The following SKIC3 variants were observed in gnomAD, a reference collection of about 807,000 sequenced individuals.
The protein encoded by SKIC3 is superkiller complex protein 3.
the SKIC3 span, among the ~76,000 whole-genome samples, chr5:95,511,292 G>A: frequency 1.2e-4 from 18 of 152,258 alleles, no homozygotes; most frequent in Middle Eastern, 6.8e-3. Context: ...CACCTGTAAC[G>A]CCTACCTGCT....
chr5:95,489,561 AT>A, the SKIC3 span, among the ~76,000 whole-genome samples: 11 of 151,756 alleles, frequency 7.2e-5, no homozygotes, highest in African/African-American at 2.4e-4. Flanking sequence ...TACAACTGAC[AT>A]GCTAACAAAG....
the SKIC3 span, chr5:95,513,474 T>C: frequency 7.5e-7 from 1 of 1,342,220 alleles, no homozygotes; most frequent in South Asian, 1.2e-5. Flanking sequence ...ATTACAGGCA[T>C]AAGCCACTAT....
the SKIC3 span, chr5:95,541,197 C>T: frequency 1.4e-5 from 14 of 993,646 alleles, no homozygotes; most frequent in African/African-American, 4.8e-5. Context: ...AACTCCCGAC[C>T]TCAGGTGATC....
chr5:95,538,830 T>A, the SKIC3 span, among the ~76,000 whole-genome samples: 1 of 152,142 alleles, frequency 6.6e-6, no homozygotes, highest in Non-Finnish European at 1.5e-5. Flanking sequence ...CTCTAAACAG[T>A]GGAATTGTTA....
the SKIC3 span, among the ~76,000 whole-genome samples, chr5:95,498,933 G>A: frequency 3.3e-5 from 5 of 152,118 alleles, no homozygotes; most frequent in East Asian, 1.9e-4. Context: ...CCTATGACTA[G>A]AGTAGTCTTT....
chr5:95,492,568 C>T, the SKIC3 span, among the ~76,000 whole-genome samples: 3 of 112,692 alleles, frequency 2.7e-5, no homozygotes, highest in Admixed American at 1.1e-4. Context: ...ACCCGGGAGG[C>T]GGAGCTTGCA....
the SKIC3 span, among the ~76,000 whole-genome samples, chr5:95,514,024 G>GC: frequency 6.6e-6 from 1 of 152,162 alleles, no homozygotes; most frequent in Non-Finnish European, 1.5e-5. Flanking sequence ...GGCTAGCACA[G>GC]TAACGCCACT....
the SKIC3 span, among the ~76,000 whole-genome samples, chr5:95,545,003 G>A: frequency 9.2e-5 from 14 of 152,104 alleles, no homozygotes; most frequent in African/African-American, 3.4e-4. Context: ...AATATTCTGG[G>A]TTACTACACA....
the SKIC3 span, chr5:95,502,797 T>C: frequency 6.3e-7 from 1 of 1,584,470 alleles, no homozygotes; most frequent in South Asian, 1.1e-5. Flanking sequence ...TCCTAAAACA[T>C]GAAGAACTTA....
chr5:95,495,061 T>C, the SKIC3 span: 4 of 1,599,150 alleles, frequency 2.5e-6, no homozygotes, highest in Admixed American at 1.7e-5. Context: ...GCAGAAACTT[T>C]CATGAAAAAG....
At chr5:95,474,056 C>A in the SKIC3 span, among the ~76,000 whole-genome samples, 1 of 152,148 alleles carries the variant, frequency 6.6e-6, no homozygotes, top group African/African-American at 2.4e-5. Context: ...GCATTTAAAT[C>A]TTTAATCCAT....
chr5:95,489,951 C>T, the SKIC3 span, among the ~76,000 whole-genome samples: 1 of 152,020 alleles, frequency 6.6e-6, no homozygotes, highest in Non-Finnish European at 1.5e-5. Flanking sequence ...TTAATTTGCC[C>T]TAGTAGTCAA....
chr5:95,501,012 T>C, the SKIC3 span, among the ~76,000 whole-genome samples: 1 of 152,116 alleles, frequency 6.6e-6, no homozygotes, highest in Non-Finnish European at 1.5e-5. Context: ...AGTAACTCTT[T>C]TTACAATAAG....
At chr5:95,532,583 C>A in the SKIC3 span, among the ~76,000 whole-genome samples, 2 of 152,044 alleles carry the variant, frequency 1.3e-5, no homozygotes, top group African/African-American at 4.8e-5. Flanking sequence ...TAAATAAATA[C>A]CTTGGTGGAG....
the SKIC3 span, among the ~76,000 whole-genome samples, chr5:95,469,272 T>C: frequency 5.3e-5 from 8 of 152,222 alleles, no homozygotes; most frequent in Non-Finnish European, 7.3e-5. Context: ...AACATTGCTA[T>C]AGAATTTTTG....
chr5:95,536,110 A>G, the SKIC3 span, among the ~76,000 whole-genome samples: 1 of 152,236 alleles, frequency 6.6e-6, no homozygotes, highest in Non-Finnish European at 1.5e-5. Flanking sequence ...TTCCACAGCT[A>G]CAGGTTACCC....
chr5:95,544,185 C>A, the SKIC3 span, among the ~76,000 whole-genome samples: 1 of 152,150 alleles, frequency 6.6e-6, no homozygotes, highest in African/African-American at 2.4e-5. Flanking sequence ...TTCTTGTCAC[C>A]TAAGTCAGAG....
the SKIC3 span, among the ~76,000 whole-genome samples, chr5:95,514,023 A>T: frequency 6.6e-6 from 1 of 152,216 alleles, no homozygotes; most frequent in Non-Finnish European, 1.5e-5. Context: ...AGGCTAGCAC[A>T]GTAACGCCAC....
the SKIC3 span, among the ~76,000 whole-genome samples, chr5:95,485,969 T>G: frequency 1.3e-5 from 2 of 152,092 alleles, no homozygotes; most frequent in African/African-American, 4.8e-5. Context: ...AGGGAAAGGA[T>G]AGGAAAGAGA....
Sources: gnomAD v4.1 joint callset for allele counts (sites outside exome capture counted in the v4.1 genomes callset) on GRCh38, gnomAD v4.1.1 for gene constraint, MANE v1.5 for transcripts, NCBI Gene and HGNC (gene_info 2026-07-23, HGNC 2026-07-21) for gene names.